ADGB: variants seen among roughly 807,000 people sequenced by gnomAD.
The protein encoded by ADGB is androglobin, also known as calpain-7-like protein.
A neutral mutation model predicts 210.5 loss-of-function variants in ADGB; 172 were observed. The observed-to-expected ratio is 0.82, with a 90% CI of 0.72 to 0.93. ADGB has a LOEUF of 0.93. Among genes scored for constraint, ADGB ranks in the 40% least tolerant of loss-of-function variants. ADGB has a pLI of 0.00. For missense variants in ADGB, 2,025 were observed against 1,964.8 expected, an observed-to-expected ratio of 1.03 and a Z score of -0.58; for synonymous variants, 658 against 662.7, an observed-to-expected ratio of 0.99 and a Z score of 0.11.
At chr6:146,741,590 T>C (rs1240372356) in intron 25 of ADGB, among the ~76,000 whole-genome samples, 1 of 152,214 alleles carries the variant, frequency 6.6e-6, no homozygotes, top group East Asian at 1.9e-4. Context: ...AAAGAGCTCC[T>C]TTAGCCTTAT....
At position 146,769,104 on chromosome 6, in the gene ADGB, A is replaced by T; in HGVS notation, c.3835A>T (p.Lys1279Ter). Reference sequence around the variant, plus strand: ...CCAGCTGACATTTGTTCAAGCACTGAAAGACTTAAAGAAAAGTAATACCAA... The same window carrying T: ...CCAGCTGACATTTGTTCAAGCACTGTAAGACTTAAAGAAAAGTAATACCAA... Reference protein sequence around the residue: ...ESQLTFVQALKDLKKSNTKAY... With the variant: ...ESQLTFVQAL The change falls in exon 29 of 36, where the codon AAA becomes TAA. Residue 1279 changes from lysine to a stop codon, truncating the protein, a stop_gained. Transcript: ENST00000397944. LOFTEE classifies it high-confidence loss of function. 1 of 1,524,266 alleles carries T rather than the reference A, an allele frequency of 6.6e-7. No individual in the cohort carries two copies. The highest frequency in any genetic ancestry group is 8.9e-7 in the Non-Finnish European group (1 of 1,127,688). The allele number at this position is 1,524,266 out of a possible 1,614,324, so 94.4% of individuals were successfully genotyped here.
intron 3 of ADGB, among the ~76,000 whole-genome samples, chr6:146,646,123 G>A (rs978808942): frequency 1.4e-4 from 21 of 152,046 alleles, no homozygotes; most frequent in African/African-American, 4.1e-4. Context: ...TTTTCCCTGA[G>A]GTTCCCTTGG....
At chr6:146,695,852 T>C (rs937965390) in intron 12 of ADGB, among the ~76,000 whole-genome samples, 1 of 152,096 alleles carries the variant, frequency 6.6e-6, no homozygotes, top group Non-Finnish European at 1.5e-5. Flanking sequence ...AGCTCATTCA[T>C]TCATATAATG....
rs149944585 is a variant in ADGB, at chr6:146,635,378, C to T, written c.78C>T (p.Phe26=). The change falls in exon 2 of 36, where the codon TTC becomes TTT. Residue 26 remains phenylalanine (F), a synonymous_variant. Transcript: ENST00000397944. The part of the protein sequence containing the change: ...SAHGSDKSKD[F]YPFGSNVQSG... ...CCCACTCTCTGTCTCTGTCTAGTTT[C>T]TATCCTTTTGGCAGTAATGTACAAT... 6 of 1,506,344 alleles carry T rather than the reference C, an allele frequency of 4.0e-6. No individual in the cohort carries two copies. The highest frequency in any genetic ancestry group is 2.9e-5 in the African/African-American group (2 of 69,664). The allele number at this position is 1,506,344 out of a possible 1,614,324, so 93.3% of individuals were successfully genotyped here.
At position 146,736,517 on chromosome 6, in the gene ADGB, T is replaced by C; in HGVS notation, c.2814T>C (p.Ser938=). The C allele has an allele frequency of 6.5e-7, 1 of 1,542,626 alleles. No individual in the cohort carries two copies. The highest frequency in any genetic ancestry group is 8.8e-7 in the Non-Finnish European group (1 of 1,142,008). ...TTTTAGACACAAAAGAAAATATCAG[T>C]GTTGCAGATACTCTTCAAAAAGTTT... is the stretch of plus-strand genomic sequence containing the variant. The part of the protein sequence containing the change: ...ARIPDTKENI[S]VADTLQKVWA... The change falls in exon 23 of 36, where the codon AGT becomes AGC. Residue 938 remains serine (S), a synonymous_variant. Coordinates refer to ENST00000397944, the MANE Select transcript of ADGB (RefSeq NM_024694.4).
chr6:146,684,918 A>C (rs1776202058), intron 9 of ADGB, among the ~76,000 whole-genome samples: 2 of 152,118 alleles, frequency 1.3e-5, no homozygotes, highest in Non-Finnish European at 2.9e-5. Flanking sequence ...TGTTTCTCTA[A>C]GTTTGGCAGA....
intron 1 of ADGB, among the ~76,000 whole-genome samples, chr6:146,634,394 G>A (rs554315004): frequency 1.3e-5 from 2 of 152,122 alleles, no homozygotes; most frequent in South Asian, 4.1e-4. Context: ...TTTGTATCCA[G>A]AACCCACTAG....
At position 146,622,207 on chromosome 6, in the gene ADGB, C is replaced by T. The variant is rs1352127129; in HGVS notation, c.75-13168C>T. On this transcript the variant is annotated intron_variant, in intron 1 of 35. Coordinates refer to ENST00000397944, the MANE Select transcript of ADGB (RefSeq NM_024694.4). ...GTTTTCTATGGCTGTAAAACATTAC[C>T]AGGAACTTAGTTACATGAAACACGA... 2.0e-5 allele frequency among the ~76,000 whole-genome samples: 3 copies of T among 151,974 alleles called. No homozygotes were observed. In the East Asian group the frequency reaches 5.8e-4, roughly 29 times the overall value.
intron 35 of ADGB, among the ~76,000 whole-genome samples, chr6:146,806,852 C>A (rs369040338): frequency 2.0e-5 from 3 of 152,084 alleles, no homozygotes; most frequent in Non-Finnish European, 4.4e-5. Context: ...AGGAGGAGAG[C>A]GTGCGGTTAA....
chr6:146,701,912 T>A (rs768535635), intron 13 of ADGB, among the ~76,000 whole-genome samples: 6 of 151,982 alleles, frequency 3.9e-5, no homozygotes, highest in Non-Finnish European at 8.8e-5. Context: ...AAAGTAGTAA[T>A]CAGCTTACAT....
intron 7 of ADGB, among the ~76,000 whole-genome samples, chr6:146,669,494 A>G: frequency 6.6e-6 from 1 of 152,060 alleles, no homozygotes; most frequent in East Asian, 1.9e-4. Context: ...AGACCTTAAT[A>G]TTGTCAAATC....
chr6:146,625,679 C>G (rs1210421706), intron 1 of ADGB, among the ~76,000 whole-genome samples: 1 of 152,110 alleles, frequency 6.6e-6, no homozygotes, highest in Non-Finnish European at 1.5e-5. Flanking sequence ...ATGCCTGATA[C>G]TGCTTTGCCT....
At chr6:146,794,311 C>T (rs910222614) in intron 33 of ADGB, among the ~76,000 whole-genome samples, 1 of 152,050 alleles carries the variant, frequency 6.6e-6, no homozygotes, top group Non-Finnish European at 1.5e-5. Context: ...TTCCCATACT[C>T]CTAGAGTACT....
Position 146,602,206 on chromosome 6 carries a change from T to C in ADGB, c.74+3092T>C, listed in dbSNP as rs145181432. 2.6e-3 allele frequency among the ~76,000 whole-genome samples: 394 copies of C among 152,330 alleles called. 2 individuals carry two copies. Among genetic ancestry groups the C allele is most frequent in the African/African-American group, 8.6e-3 (357 of 41,592 alleles). On this transcript the variant is annotated intron_variant, in intron 1 of 35. Coordinates refer to ENST00000397944, the MANE Select transcript of ADGB (RefSeq NM_024694.4). ...ATTTTTTGACAACGGACAAGTCATTTTCTATTCTGACATTTAGTTTTCACT... is the reference window on the plus strand; with the variant it reads ...ATTTTTTGACAACGGACAAGTCATTCTCTATTCTGACATTTAGTTTTCACT...
chr6:146,685,640 A>G (rs1776221435), intron 9 of ADGB, 94 bp from the exon 10 acceptor site: 3 of 568,848 alleles, frequency 5.3e-6, no homozygotes, highest in Non-Finnish European at 8.5e-6. Context: ...GCCCGAAGAT[A>G]AATTCATTAA....
At chr6:146,772,612 T>C (rs1020786720) in intron 29 of ADGB, among the ~76,000 whole-genome samples, 1 of 147,306 alleles carries the variant, frequency 6.8e-6, no homozygotes, top group East Asian at 1.9e-4. Context: ...TTATATAATA[T>C]ATATTATATA....
intron 7 of ADGB, 150 bp from the exon 8 acceptor site, chr6:146,672,070 C>T (rs1583583570): frequency 8.4e-6 from 9 of 1,067,266 alleles, no homozygotes; most frequent in East Asian, 5.3e-5. Flanking sequence ...ATGTCTAATA[C>T]ATAATGCTGT....
intron 4 of ADGB, among the ~76,000 whole-genome samples, chr6:146,656,221 C>T (rs147396097): frequency 5.3e-4 from 80 of 152,334 alleles, no homozygotes; most frequent in African/African-American, 1.7e-3. Flanking sequence ...GTTAAAAACA[C>T]TGCAAGGGGA....
At chr6:146,792,886 T>G (rs1777973489) in intron 33 of ADGB, among the ~76,000 whole-genome samples, 2 of 152,156 alleles carry the variant, frequency 1.3e-5, no homozygotes, top group Non-Finnish European at 2.9e-5. Context: ...TTCCTTCCAG[T>G]GGGTTCCTGG....
Sources: gnomAD v4.1 joint callset for allele counts (sites outside exome capture counted in the v4.1 genomes callset) on GRCh38, gnomAD v4.1.1 for gene constraint, MANE v1.5 for transcripts, NCBI Gene and HGNC (gene_info 2026-07-23, HGNC 2026-07-21) for gene names.